TIAM1: variants seen among roughly 807,000 people sequenced by gnomAD.
TIAM1 encodes rho guanine nucleotide exchange factor TIAM1.
TIAM1 carries 65 observed loss-of-function variants against 163.5 expected under a neutral mutation model. The ratio of observed to expected loss-of-function variants is 0.40; its 90% CI spans 0.33 to 0.49. The LOEUF is 0.49. TIAM1 is among the 20% of genes least tolerant of loss of function. The probability of loss-of-function intolerance (pLI) is 0.77; values close to 1 mark genes in which losing one functional copy is unlikely to be tolerated. For synonymous variants in TIAM1, 833 were observed against 810.1 expected (o/e 1.03, Z -0.48); for missense variants, 1,789 against 2,044.7 (o/e 0.87, Z 2.41).
At chr21:31,248,664 C>T (rs1367451931) in intron 5 of TIAM1, among the ~76,000 whole-genome samples, 1 of 152,148 alleles carries the variant, frequency 6.6e-6, no homozygotes, top group African/African-American at 2.4e-5. Flanking sequence ...TCCCAATATT[C>T]AAGCATTGCT....
At chr21:31,403,467 A>T (rs146887910) in intron 2 of TIAM1, among the ~76,000 whole-genome samples, 3,084 of 152,252 alleles carry the variant, frequency 0.02, 49 homozygotes, top group South Asian at 0.053. Context: ...TTTTTTAAGA[A>T]AAAATTCCAT....
At chr21:31,427,966 T>C (rs552335030) in intron 2 of TIAM1, among the ~76,000 whole-genome samples, 46 of 151,756 alleles carry the variant, frequency 3.0e-4, no homozygotes, top group South Asian at 4.2e-4. Context: ...AAATCCTCTA[T>C]AGAAACTGAA....
intron 2 of TIAM1, among the ~76,000 whole-genome samples, chr21:31,303,843 C>T (rs867173094): frequency 1.2e-4 from 18 of 151,980 alleles, no homozygotes; most frequent in South Asian, 2.1e-4. Flanking sequence ...CCAGGCGTAG[C>T]GGCATGCACC....
chr21:31,201,422 A>G (rs2146519602), intron 12 of TIAM1, among the ~76,000 whole-genome samples: 1 of 152,316 alleles, frequency 6.6e-6, no homozygotes, highest in Admixed American at 6.5e-5. Context: ...TAAGTGTTAC[A>G]AAAGCACACG....
At chr21:31,503,779 C>T (rs1460507491) in intron 1 of TIAM1, among the ~76,000 whole-genome samples, 2 of 150,994 alleles carry the variant, frequency 1.3e-5, no homozygotes, top group African/African-American at 4.9e-5. Context: ...CCTCAGAAGA[C>T]TGGAGAGGTT....
chr21:31,379,269 G>A (rs1229877468), intron 2 of TIAM1, among the ~76,000 whole-genome samples: 1 of 152,142 alleles, frequency 6.6e-6, no homozygotes, highest in Admixed American at 6.5e-5. Flanking sequence ...ACCTCGCCTG[G>A]CCTACACTAT....
chr21:31,473,309 A>T (rs2045814404), intron 1 of TIAM1, among the ~76,000 whole-genome samples: 2 of 151,870 alleles, frequency 1.3e-5, no homozygotes, highest in Admixed American at 1.3e-4. Flanking sequence ...GGGTGCCTGT[A>T]GTCCCAGCTA....
At chr21:31,416,564 C>T (rs1254247691) in intron 2 of TIAM1, among the ~76,000 whole-genome samples, 1 of 152,168 alleles carries the variant, frequency 6.6e-6, no homozygotes, top group Non-Finnish European at 1.5e-5. Context: ...TAAGTGAGAA[C>T]ATACAATATT....
chr21:31,526,555 T>C (rs2047791844), intron 1 of TIAM1, among the ~76,000 whole-genome samples: 1 of 152,144 alleles, frequency 6.6e-6, no homozygotes, highest in African/African-American at 2.4e-5. Flanking sequence ...TCTAAGACGA[T>C]ATGACAATGC....
At chr21:31,240,128 C>T (rs2071088077) in intron 6 of TIAM1, among the ~76,000 whole-genome samples, 1 of 152,064 alleles carries the variant, frequency 6.6e-6, no homozygotes, top group African/African-American at 2.4e-5. Context: ...TGGGACTGTC[C>T]TCGCTTATAC....
rs2083629113 is a variant in TIAM1, at chr21:31,156,520, A to G, written c.2992-2094T>C. Among the ~76,000 whole-genome samples, 5 of 152,366 alleles carry G rather than the reference A, an allele frequency of 3.3e-5. No individual in the cohort carries two copies. In the South Asian group the frequency reaches 1.0e-3, roughly 32 times the overall value. ...GTTTTTCATCAAAGCTTGTTTCAGT[A>G]GAAATAAACTAAACAATTTTATTTA... On this transcript the variant is annotated intron_variant, in intron 16 of 27. Coordinates refer to ENST00000541036, the MANE Select transcript of TIAM1 (RefSeq NM_001353694.2).
At chr21:31,252,341 C>T (rs2071859985) in intron 4 of TIAM1, 152 bp from the exon 5 acceptor site, 2 of 811,812 alleles carry the variant, frequency 2.5e-6, no homozygotes, top group Non-Finnish European at 3.9e-6. Flanking sequence ...TGGACCAGGT[C>T]CTGCTCAACC....
chr21:31,487,461 C>G (rs564184410), intron 1 of TIAM1, among the ~76,000 whole-genome samples: 5 of 152,252 alleles, frequency 3.3e-5, no homozygotes, highest in Admixed American at 3.3e-4. Context: ...ACCTCCGCCT[C>G]CTGGGTTCAA....
At chr21:31,420,178 AT>A (rs1193651941) in intron 2 of TIAM1, among the ~76,000 whole-genome samples, 1 of 152,254 alleles carries the variant, frequency 6.6e-6, no homozygotes, top group Non-Finnish European at 1.5e-5. Flanking sequence ...AACCTAGCAA[AT>A]GGGCAAGGTT....
intron 2 of TIAM1, among the ~76,000 whole-genome samples, chr21:31,381,242 T>C (rs2076774302): frequency 6.6e-6 from 1 of 152,160 alleles, no homozygotes; most frequent in Non-Finnish European, 1.5e-5. Context: ...GTGATGGTAT[T>C]TGGAGGTGGG....
chr21:31,358,577 A>C (rs180681064), intron 2 of TIAM1, among the ~76,000 whole-genome samples: 1 of 152,042 alleles, frequency 6.6e-6, no homozygotes, highest in Admixed American at 6.5e-5. Context: ...TTCAGACCAA[A>C]ATACTTGGTG....
intron 12 of TIAM1, among the ~76,000 whole-genome samples, chr21:31,200,416 T>C (rs988425118): frequency 2.0e-5 from 3 of 152,374 alleles, no homozygotes; most frequent in African/African-American, 7.2e-5. Context: ...TAAATGAATG[T>C]AGGCAACAAA....
intron 19 of TIAM1, among the ~76,000 whole-genome samples, chr21:31,150,091 C>T (rs921709563): frequency 6.6e-6 from 1 of 152,084 alleles, no homozygotes; most frequent in African/African-American, 2.4e-5. Context: ...CCCAATGCTA[C>T]CATTTGGGGA....
At chr21:31,467,672 A>G (rs1445713188) in intron 1 of TIAM1, among the ~76,000 whole-genome samples, 6 of 151,832 alleles carry the variant, frequency 4.0e-5, no homozygotes, top group Non-Finnish European at 7.4e-5. Context: ...ATAAATAAAT[A>G]AAATTAGCCA....
Sources: gnomAD v4.1 joint callset for allele counts (sites outside exome capture counted in the v4.1 genomes callset) on GRCh38, gnomAD v4.1.1 for gene constraint, MANE v1.5 for transcripts, NCBI Gene and HGNC (gene_info 2026-07-23, HGNC 2026-07-21) for gene names.